Variants in GPR180 observed in about 807,000 individuals in gnomAD.
The protein encoded by GPR180 is integral membrane protein GPR180.
GPR180 carries 53 observed loss-of-function variants against 52.6 expected under a neutral mutation model. The observed-to-expected ratio is 1.01, with a 90% CI of 0.81 to 1.27. The LOEUF is 1.27. Ranked by LOEUF, GPR180 falls within the 50% of genes most tolerant of loss-of-function variation. The probability of loss-of-function intolerance (pLI) is 0.00; values close to 1 mark genes in which losing one functional copy is unlikely to be tolerated. For missense variants in GPR180, 533 were observed against 527.0 expected (o/e 1.01, Z -0.11); for synonymous variants, 200 against 193.1 (o/e 1.04, Z -0.30).
At chr13:94,618,057 G>A (rs538807097) in intron 3 of GPR180, among the ~76,000 whole-genome samples, 1 of 152,320 alleles carries the variant, frequency 6.6e-6, no homozygotes, top group African/African-American at 2.4e-5. Context: ...CTAAAAAGCT[G>A]CTAGTAGGCA....
intron 7 of GPR180, 89 bp from the exon 8 acceptor site, chr13:94,625,877 C>T (rs538268383): frequency 3.6e-6 from 3 of 841,144 alleles, no homozygotes; most frequent in Non-Finnish European, 3.8e-6. Flanking sequence ...TTAATCAGAA[C>T]CTAAAAATGC....
intron 1 of GPR180, 105 bp downstream of exon 1, chr13:94,602,177 C>A: frequency 4.6e-6 from 5 of 1,082,682 alleles, no homozygotes; most frequent in Non-Finnish European, 4.8e-6. Flanking sequence ...TGGGCGAGGC[C>A]GGCGACTTCC....
chr13:94,619,070 T>C, intron 3 of GPR180, 80 bp from the exon 4 acceptor site: 1 of 1,076,174 alleles, frequency 9.3e-7, no homozygotes, highest in East Asian at 2.4e-5. Flanking sequence ...AGAAATATAT[T>C]GACAGGGAGA....
chr13:94,606,818 G>A (rs1042101541), intron 2 of GPR180, among the ~76,000 whole-genome samples: 1 of 152,224 alleles, frequency 6.6e-6, no homozygotes, highest in African/African-American at 2.4e-5. Flanking sequence ...AGATGATATT[G>A]TGAGAAGATA....
At chr13:94,602,120 G>C (rs766750321) in intron 1 of GPR180, 48 bp downstream of exon 1, 65 of 1,271,408 alleles carry the variant, frequency 5.1e-5, no homozygotes, top group Non-Finnish European at 6.3e-5. Context: ...GGCCCATCCC[G>C]CCGGCTGAGT....
chr13:94,616,566 C>T (rs763800835), intron 3 of GPR180, among the ~76,000 whole-genome samples: 1 of 152,196 alleles, frequency 6.6e-6, no homozygotes, highest in Non-Finnish European at 1.5e-5. Flanking sequence ...TTTAAGCTTG[C>T]CTTAAACCTT....
At chr13:94,619,645 T>C in intron 5 of GPR180, 128 bp downstream of exon 5, 1 of 761,492 alleles carries the variant, frequency 1.3e-6, no homozygotes, top group South Asian at 1.8e-5. Flanking sequence ...AGAACAGGAT[T>C]ACAGTTTAAG....
Position 94,605,450 on chromosome 13 carries a change from G to A in GPR180, c.205G>A (p.Ala69Thr), listed in dbSNP as rs759874651. ...CATAGCAGTAGCTGTTGGAAAAGAAGCTAAACTCTACCTGTTCCAAGCCCA... is the reference window on the plus strand; with the variant it reads ...CATAGCAGTAGCTGTTGGAAAAGAAACTAAACTCTACCTGTTCCAAGCCCA... ...NNIAVAVGKE[A>T]KLYLFQAQEW... The change falls in exon 2 of 9, where the codon GCT (alanine) becomes ACT (threonine). Residue 69 changes from alanine to threonine, a missense_variant. By Grantham distance (58) the Ala-to-Thr change is moderately conservative. Coordinates refer to ENST00000376958, the MANE Select transcript of GPR180 (RefSeq NM_180989.6). 22 of 1,613,906 alleles carry A rather than the reference G, an allele frequency of 1.4e-5. No individual in the cohort carries two copies. The highest frequency in any genetic ancestry group is 1.7e-6 in the Non-Finnish European group (2 of 1,179,952).
intron 3 of GPR180, among the ~76,000 whole-genome samples, chr13:94,615,814 T>G (rs982576162): frequency 6.6e-6 from 1 of 152,370 alleles, no homozygotes; most frequent in African/African-American, 2.4e-5. Flanking sequence ...GTTCATTCTT[T>G]AGTGTTATCC....
chr13:94,602,093 G>A, intron 1 of GPR180, 21 bp downstream of exon 1: 3 of 1,319,818 alleles, frequency 2.3e-6, no homozygotes, highest in Non-Finnish European at 1.9e-6. Flanking sequence ...GGGCGGGGAG[G>A]GGGATGAAGG....
chr13:94,623,069 A>T (rs751336910), intron 6 of GPR180, 40 bp from the exon 7 acceptor site: 3 of 1,432,594 alleles, frequency 2.1e-6, no homozygotes, highest in African/African-American at 2.8e-5. Context: ...AATGAGGTAT[A>T]TTTTTTTTTC....
intron 6 of GPR180, 26 bp from the exon 7 acceptor site, chr13:94,623,083 A>C: frequency 6.4e-7 from 1 of 1,560,626 alleles, no homozygotes; most frequent in Non-Finnish European, 8.7e-7. Context: ...TTTTTTCCTA[A>C]ATGTAATATT....
At chr13:94,621,001 G>A (rs796794586) in intron 5 of GPR180, 77 bp from the exon 6 acceptor site, 8 of 1,150,188 alleles carry the variant, frequency 7.0e-6, no homozygotes, top group East Asian at 5.6e-5. Flanking sequence ...AAAAAAAAAA[G>A]ATGTTCTCAA....
At position 94,602,029 on chromosome 13, in the gene GPR180, C is replaced by G; in HGVS notation, c.102C>G (p.Ala34=). The G allele has an allele frequency of 6.9e-7, 1 of 1,454,350 alleles. No individual in the cohort carries two copies. The highest frequency in any genetic ancestry group is 9.1e-7 in the Non-Finnish European group (1 of 1,103,170). 90.1% of individuals were successfully genotyped at this position (1,454,350 alleles called of 1,614,324 possible). The change falls in exon 1 of 9, where the codon GCC becomes GCG. Residue 34 remains alanine, a synonymous_variant. Transcript: ENST00000376958. The stretch of plus-strand genomic sequence containing the variant: ...GGGGCAGCTTCAGCAGCACCGCGGC[C>G]CAGGACGCCCAGGGCCAGCGCATCG... The part of the protein sequence containing the change: ...TLRGSFSSTA[A]QDAQGQRIGH...
intron 3 of GPR180, among the ~76,000 whole-genome samples, chr13:94,613,777 A>T (rs1889742263): frequency 6.6e-6 from 1 of 151,644 alleles, no homozygotes; most frequent in African/African-American, 2.4e-5. Context: ...AAAGATGCCA[A>T]CTTTTTTCTG....
intron 3 of GPR180, among the ~76,000 whole-genome samples, chr13:94,614,643 G>A (rs768873348): frequency 6.6e-6 from 1 of 152,016 alleles, no homozygotes; most frequent in Non-Finnish European, 1.5e-5. Context: ...CATACTAACC[G>A]TTATGATTCA....
At chr13:94,618,420 A>ATGTTTTTTTTTTTTTTT (rs1708605808) in intron 3 of GPR180, among the ~76,000 whole-genome samples, 1 of 87,156 alleles carries the variant, frequency 1.1e-5, no homozygotes, top group Non-Finnish European at 2.1e-5. Flanking sequence ...TCAGCACAGG[A>ATGTTTTTTTTTTTTTTT]TTTTTTTTTT....
At chr13:94,608,899 A>G (rs2139565018) in intron 2 of GPR180, among the ~76,000 whole-genome samples, 1 of 152,318 alleles carries the variant, frequency 6.6e-6, no homozygotes, top group South Asian at 2.1e-4. Context: ...TGTTTGAAAA[A>G]TTATTTTTCA....
At chr13:94,603,081 G>GT (rs1889580865) in intron 1 of GPR180, among the ~76,000 whole-genome samples, 2 of 74,606 alleles carry the variant, frequency 2.7e-5, no homozygotes, top group Admixed American at 9.8e-5. Context: ...AAGGGATCCT[G>GT]ATTTTTTTTT....
Sources: gnomAD v4.1 joint callset for allele counts (sites outside exome capture counted in the v4.1 genomes callset) on GRCh38, gnomAD v4.1.1 for gene constraint, MANE v1.5 for transcripts, NCBI Gene and HGNC (gene_info 2026-07-23, HGNC 2026-07-21) for gene names.